The following RBMS1 variants were observed in gnomAD, a reference collection of about 807,000 sequenced individuals.
RBMS1 encodes RNA binding motif single stranded interacting protein 1.
A neutral mutation model predicts 62.3 loss-of-function variants in RBMS1; 17 were observed. The ratio of observed to expected loss-of-function variants is 0.27; its 90% CI spans 0.19 to 0.41. The LOEUF (loss-of-function observed/expected upper bound fraction) is 0.41, where lower values mean the gene tolerates loss of function less well. Ranked by LOEUF, RBMS1 falls within the 10% of genes least tolerant of loss-of-function variation. The pLI, the probability that RBMS1 is intolerant of heterozygous loss-of-function variation, is 1.00. For missense variants in RBMS1, 334 were observed against 504.5 expected (o/e 0.66, Z 3.24); for synonymous variants, 172 against 170.0 (o/e 1.01, Z -0.09).
At chr2:160,324,216 C>T (rs1189724128) in intron 2 of RBMS1, among the ~76,000 whole-genome samples, 1 of 152,198 alleles carries the variant, frequency 6.6e-6, no homozygotes, top group Non-Finnish European at 1.5e-5. Context: ...CTGGCACGTA[C>T]AAATGTATAA....
At chr2:160,311,263 GTTTAT>G (rs1689898308) in intron 4 of RBMS1, among the ~76,000 whole-genome samples, 1 of 73,788 alleles carries the variant, frequency 1.4e-5, no homozygotes, top group Non-Finnish European at 3.0e-5. Context: ...TATATAGTCT[GTTTAT>G]TTTAACTTCT....
At chr2:160,311,234 A>ATATATATCTATATATATC (rs1689873499) in intron 4 of RBMS1, among the ~76,000 whole-genome samples, 4 of 107,448 alleles carry the variant, frequency 3.7e-5, no homozygotes, top group African/African-American at 1.3e-4. Context: ...CTATCTATCT[A>ATATATATCTATATATATC]TATATATATA....
intron 1 of RBMS1, among the ~76,000 whole-genome samples, chr2:160,482,691 C>G (rs1369385049): frequency 6.6e-6 from 1 of 152,108 alleles, no homozygotes; most frequent in East Asian, 1.9e-4. Context: ...TATCTGGCTT[C>G]TTTTTCCCCA....
At chr2:160,435,850 G>A (rs933351947) in intron 1 of RBMS1, among the ~76,000 whole-genome samples, 1 of 152,192 alleles carries the variant, frequency 6.6e-6, no homozygotes, top group African/African-American at 2.4e-5. Flanking sequence ...TAATGACTTA[G>A]AGTGTGTAAC....
intron 1 of RBMS1, among the ~76,000 whole-genome samples, chr2:160,477,378 A>T (rs6432619): frequency 1.3e-5 from 2 of 152,210 alleles, no homozygotes; most frequent in South Asian, 2.1e-4. Flanking sequence ...TTAATTAAAA[A>T]AATTTTATAT....
Position 160,471,908 on chromosome 2 carries a change from G to C in RBMS1, c.75+21381C>G, listed in dbSNP as rs187042800. On this transcript the variant is annotated intron_variant, in intron 1 of 13. Coordinates refer to ENST00000348849, the MANE Select transcript of RBMS1 (RefSeq NM_016836.4). ...ATTGAAAAATTACATTTTAGGAACT[G>C]TTTTGATATTTTGAGGTACACTAGC... Among the ~76,000 whole-genome samples the C allele has an allele frequency of 3.8e-3, 578 of 151,736 alleles. 2 individuals are homozygous for C. Among genetic ancestry groups the C allele is most frequent in the African/African-American group, 0.013 (544 of 41,386 alleles).
intron 2 of RBMS1, among the ~76,000 whole-genome samples, chr2:160,359,161 T>C (rs1292847215): frequency 6.6e-6 from 1 of 152,160 alleles, no homozygotes; most frequent in Non-Finnish European, 1.5e-5. Flanking sequence ...ACATAAAGGG[T>C]AAATTATATC....
At chr2:160,300,844 A>G in intron 5 of RBMS1, 114 bp from the exon 6 acceptor site, 1 of 1,176,314 alleles carries the variant, frequency 8.5e-7, no homozygotes, top group South Asian at 2.3e-5. Context: ...GAAACCTAGT[A>G]AAAATGTGAA....
chr2:160,485,049 T>C (rs1297202115), intron 1 of RBMS1, among the ~76,000 whole-genome samples: 1 of 152,120 alleles, frequency 6.6e-6, no homozygotes, highest in East Asian at 1.9e-4. Flanking sequence ...GCTGTAGTAA[T>C]CTAGTAGTGG....
intron 1 of RBMS1, among the ~76,000 whole-genome samples, chr2:160,380,093 C>T (rs1472555353): frequency 1.3e-5 from 2 of 152,154 alleles, no homozygotes; most frequent in African/African-American, 2.4e-5. Flanking sequence ...TAATTAGTGA[C>T]GAGTACCCAA....
rs1048341142 is a variant in RBMS1, at chr2:160,273,485, A to G, written c.*1287T>C. On this transcript the variant is annotated 3_prime_UTR_variant, in exon 14 of 14. Coordinates refer to ENST00000348849, the MANE Select transcript of RBMS1 (RefSeq NM_016836.4). ...CCTTTAAAAGTGCCAAGTCATTTTT[A>G]TTTTTCAAATTTACCTAATAGAGAG... is the stretch of plus-strand genomic sequence containing the variant. 8 of 152,032 alleles carry G rather than the reference A, an allele frequency of 5.3e-5. No homozygotes were observed. Among genetic ancestry groups the G allele is most frequent in the Non-Finnish European group, 8.8e-5 (6 of 67,998 alleles). The allele number at this position is 152,032 out of a possible 1,614,324, so 9.4% of individuals were successfully genotyped here. A position where few individuals can be genotyped will look rare whatever the true frequency, so the allele number is the denominator to read the frequency against.
chr2:160,460,852 C>G (rs1301602858), intron 1 of RBMS1, among the ~76,000 whole-genome samples: 1 of 152,226 alleles, frequency 6.6e-6, no homozygotes, highest in Admixed American at 6.5e-5. Flanking sequence ...CTCAACCTCC[C>G]TTTTCCTATG....
chr2:160,390,795 T>C (rs898417238), intron 1 of RBMS1, among the ~76,000 whole-genome samples: 2 of 151,854 alleles, frequency 1.3e-5, no homozygotes, highest in Non-Finnish European at 2.9e-5. Context: ...CTCAGGATCC[T>C]TGAAGGCTAT....
At chr2:160,433,587 A>C (rs1418670404) in intron 1 of RBMS1, among the ~76,000 whole-genome samples, 1 of 152,234 alleles carries the variant, frequency 6.6e-6, no homozygotes, top group African/African-American at 2.4e-5. Flanking sequence ...CTGAGGTATA[A>C]TTTTGATTCC....
chr2:160,311,232 C>CTATATATCTATATATATATATATATA, intron 4 of RBMS1, among the ~76,000 whole-genome samples: 1 of 79,254 alleles, frequency 1.3e-5, no homozygotes, highest in African/African-American at 4.4e-5. Context: ...ATCTATCTAT[C>CTATATATCTATATATATATATATATA]TATATATATA....
intron 1 of RBMS1, among the ~76,000 whole-genome samples, chr2:160,373,814 C>T (rs1414110196): frequency 6.6e-6 from 1 of 152,064 alleles, no homozygotes; most frequent in Non-Finnish European, 1.5e-5. Context: ...CTTAGCTACC[C>T]TTAATTGCAT....
intron 4 of RBMS1, among the ~76,000 whole-genome samples, chr2:160,308,856 T>C (rs1279159086): frequency 1.3e-5 from 2 of 152,198 alleles, no homozygotes; most frequent in African/African-American, 2.4e-5. Flanking sequence ...ATATACCCAG[T>C]CCAGTGTTGA....
At chr2:160,304,584 G>T (rs1689397547) in intron 4 of RBMS1, among the ~76,000 whole-genome samples, 1 of 152,114 alleles carries the variant, frequency 6.6e-6, no homozygotes, top group Non-Finnish European at 1.5e-5. Context: ...CCTATCACCT[G>T]GTAATGTCTT....
Position 160,375,896 on chromosome 2 carries a change from G to GAA in RBMS1, c.76-8507_76-8506dup, listed in dbSNP as rs34226372. Among the ~76,000 whole-genome samples the GAA allele has an allele frequency of 8.0e-3, 1,016 of 126,958 alleles. 16 individuals are homozygous for GAA. Among genetic ancestry groups the GAA allele is most frequent in the Admixed American group, 0.038 (510 of 13,406 alleles). 83.3% of individuals were successfully genotyped at this position (126,958 alleles called of 152,430 possible). On this transcript the variant is annotated intron_variant, in intron 1 of 13. Transcript: ENST00000348849. ...CTTTACTTTTTACTCAAAATAAATG[G>GAA]AAAAAAAAAAAAAAAGAAAGAAAAC... is the stretch of plus-strand genomic sequence containing the variant.
Sources: allele counts gnomAD v4.1 joint callset (sites outside exome capture counted in the v4.1 genomes callset), GRCh38; gene constraint gnomAD v4.1.1; transcripts MANE v1.5; gene names NCBI Gene and HGNC (gene_info 2026-07-23, HGNC 2026-07-21).